TC2N: variants seen among roughly 807,000 people sequenced by gnomAD.
TC2N encodes the protein tandem C2 domains, nuclear, also known as tandem C2 domains nuclear protein.
Under a neutral mutation model 61.9 loss-of-function variants are expected in TC2N, and 51 were observed. The ratio of observed to expected loss-of-function variants is 0.82; its 90% confidence interval spans 0.66 to 1.04. TC2N has a LOEUF of 1.04. Among genes scored for constraint, TC2N ranks in the 50% least tolerant of loss-of-function variants. The probability of loss-of-function intolerance (pLI) is 0.00; values close to 1 mark genes in which losing one functional copy is unlikely to be tolerated. For synonymous variants in TC2N, 204 were observed against 192.6 expected (o/e 1.06, Z -0.49); for missense variants, 556 against 566.7 (o/e 0.98, Z 0.19).
intron 1 of TC2N, among the ~76,000 whole-genome samples, chr14:91,853,545 T>C (rs1212753708): frequency 6.6e-6 from 1 of 152,104 alleles, no homozygotes; most frequent in Non-Finnish European, 1.5e-5. Flanking sequence ...AGGAACTTTT[T>C]GAACATTTCT....
intron 1 of TC2N, among the ~76,000 whole-genome samples, chr14:91,820,136 T>G (rs1887178082): frequency 6.6e-6 from 1 of 152,100 alleles, no homozygotes; most frequent in Admixed American, 6.5e-5. Flanking sequence ...ATGATACAAG[T>G]ATATGCTGCC....
chr14:91,825,074 C>T (rs1887437678), intron 1 of TC2N, among the ~76,000 whole-genome samples: 1 of 112,496 alleles, frequency 8.9e-6, no homozygotes, highest in South Asian at 3.2e-4. Flanking sequence ...CTCGCTCTGT[C>T]ATCCAGGCTG....
At chr14:91,838,156 T>A (rs1305702011) in intron 1 of TC2N, among the ~76,000 whole-genome samples, 1 of 151,294 alleles carries the variant, frequency 6.6e-6, no homozygotes, top group Non-Finnish European at 1.5e-5. Context: ...CTTTTTTTTT[T>A]TTTTTTTGGG....
At chr14:91,810,302 G>T (rs1038354327) in intron 3 of TC2N, among the ~76,000 whole-genome samples, 5 of 151,994 alleles carry the variant, frequency 3.3e-5, no homozygotes, top group Non-Finnish European at 5.9e-5. Flanking sequence ...CCAACATTGG[G>T]AATCACATGA....
chr14:91,813,378 C>T (rs1360100964), intron 2 of TC2N, among the ~76,000 whole-genome samples: 1 of 151,778 alleles, frequency 6.6e-6, no homozygotes, highest in Non-Finnish European at 1.5e-5. Flanking sequence ...CTGTCTTTGC[C>T]TGTACTATTT....
At chr14:91,842,604 A>C (rs1888183953) in intron 1 of TC2N, among the ~76,000 whole-genome samples, 3 of 152,240 alleles carry the variant, frequency 2.0e-5, no homozygotes, top group Admixed American at 2.0e-4. Flanking sequence ...AGGCCCAAAC[A>C]TGTATCTTAC....
At position 91,848,200 on chromosome 14, in the gene TC2N, A is replaced by G. The variant is rs143252445; in HGVS notation, c.-57+19062T>C. 1.2e-4 allele frequency among the ~76,000 whole-genome samples: 18 copies of G among 152,332 alleles called. No homozygotes were observed. The East Asian group carries it at 3.3e-3, about 28-fold the overall frequency. On this transcript the variant is annotated intron_variant, in intron 1 of 11. Coordinates refer to ENST00000435962, the MANE Select transcript of TC2N (RefSeq NM_001128596.3). ...AATTGAGACCAATTTCCCAAACCAC[A>G]TGGCTGCTGCTTATGGGATAGAATG...
chr14:91,816,441 C>T (rs1057175033), intron 1 of TC2N, among the ~76,000 whole-genome samples: 6 of 151,774 alleles, frequency 4.0e-5, no homozygotes, highest in African/African-American at 1.4e-4. Context: ...TATTCACTGT[C>T]TCCTGCCGAC....
chr14:91,858,533 T>C (rs1192266178), intron 1 of TC2N, among the ~76,000 whole-genome samples: 1 of 152,114 alleles, frequency 6.6e-6, no homozygotes, highest in Admixed American at 6.6e-5. Flanking sequence ...TTAAATGCAG[T>C]ATACTTTGGG....
At position 91,785,247 on chromosome 14, in the gene TC2N, G is replaced by T; in HGVS notation, c.1277C>A (p.Pro426Gln). The T allele has an allele frequency of 6.2e-7, 1 of 1,613,154 alleles. No homozygotes were observed. The highest frequency in any genetic ancestry group is 1.7e-5 in the Admixed American group (1 of 59,992). ...RVKWGETMIF[P>Q]LIQSEKEIVF... ...AATTTCTTTTTCACTCTGTATAAGT[G>T]GAAAAATCATAGTCTCTCCCCACTT... The change falls in exon 11 of 12, where the codon CCA becomes CAA. Residue 426 changes from proline (P) to glutamine (Q), a missense_variant. Coordinates refer to ENST00000435962, the MANE Select transcript of TC2N (RefSeq NM_001128596.3).
At chr14:91,827,356 G>A (rs1318014814) in intron 1 of TC2N, among the ~76,000 whole-genome samples, 1 of 152,162 alleles carries the variant, frequency 6.6e-6, no homozygotes, top group Admixed American at 6.5e-5. Flanking sequence ...TGGCAGGGCT[G>A]CATTACTTCT....
intron 7 of TC2N, 95 bp from the exon 8 acceptor site, chr14:91,797,996 T>G: frequency 1.2e-6 from 1 of 842,314 alleles, no homozygotes; most frequent in Non-Finnish European, 1.9e-6. Flanking sequence ...AGATAAAAAC[T>G]GCAAAAAATA....
At chr14:91,793,670 G>C (rs1186071768) in intron 8 of TC2N, among the ~76,000 whole-genome samples, 3 of 152,054 alleles carry the variant, frequency 2.0e-5, no homozygotes, top group Non-Finnish European at 4.4e-5. Context: ...ACCTATATAA[G>C]ATGGGCAACT....
intron 10 of TC2N, 66 bp downstream of exon 10, chr14:91,787,447 T>G: frequency 1.1e-6 from 1 of 876,080 alleles, no homozygotes; most frequent in Non-Finnish European, 1.7e-6. Context: ...GTAAGAAATG[T>G]AAAAAAAATA....
At position 91,844,496 on chromosome 14, in the gene TC2N, G is replaced by A. The variant is rs150726451; in HGVS notation, c.-57+22766C>T. On this transcript the variant is annotated intron_variant, in intron 1 of 11. Coordinates refer to ENST00000435962, the MANE Select transcript of TC2N (RefSeq NM_001128596.3). The stretch of plus-strand genomic sequence containing the variant: ...ACCATCTTATGGGCCCAACGTGGTG[G>A]CTCACGCCTGTCATCTCAGCACTGT... Among the ~76,000 whole-genome samples, 623 of 152,264 alleles carry A rather than the reference G, an allele frequency of 4.1e-3. 3 individuals are homozygous for A. The highest frequency in any genetic ancestry group is 6.5e-3 in the Non-Finnish European group (442 of 68,020).
In TC2N at chr14:91,832,602, T is replaced by C. The variant is rs377471760; in HGVS notation, c.-56-18777A>G. Among the ~76,000 whole-genome samples the C allele has an allele frequency of 7.9e-5, 12 of 152,290 alleles. No individual in the cohort carries two copies. The East Asian group carries it at 1.2e-3, about 15-fold the overall frequency. On this transcript the variant is annotated intron_variant, in intron 1 of 11. Coordinates refer to ENST00000435962, the MANE Select transcript of TC2N (RefSeq NM_001128596.3). ...ATTACGAATGTAGAAGTGTCTTACA[T>C]GTTGCTGAAAAAGGGAACAAAATGA...
At chr14:91,796,514 A>C (rs1885903644) in intron 8 of TC2N, among the ~76,000 whole-genome samples, 1 of 152,142 alleles carries the variant, frequency 6.6e-6, no homozygotes, top group Non-Finnish European at 1.5e-5. Flanking sequence ...AAACAGGGTC[A>C]CTGTAGATGT....
intron 1 of TC2N, among the ~76,000 whole-genome samples, chr14:91,849,434 A>G (rs1800512005): frequency 6.6e-6 from 1 of 152,220 alleles, no homozygotes; most frequent in Non-Finnish European, 1.5e-5. Flanking sequence ...GAGAGAAGTA[A>G]AGATAAGAGA....
chr14:91,804,552 TTATAA>T (rs1458197988), intron 3 of TC2N, among the ~76,000 whole-genome samples: 2 of 152,120 alleles, frequency 1.3e-5, no homozygotes, highest in African/African-American at 2.4e-5. Flanking sequence ...ACAGAACGAA[TTATAA>T]TATACACTTA....
Sources: allele counts gnomAD v4.1 joint callset (sites outside exome capture counted in the v4.1 genomes callset), GRCh38; gene constraint gnomAD v4.1.1; transcripts MANE v1.5; gene names NCBI Gene and HGNC (gene_info 2026-07-23, HGNC 2026-07-21).